The following LAMC1 variants were observed in gnomAD, a reference collection of about 807,000 sequenced individuals.
LAMC1 encodes laminin subunit gamma 1.
A neutral mutation model predicts 173.6 loss-of-function variants in LAMC1; 38 were observed. The ratio of observed to expected loss-of-function variants is 0.22; its 90% CI spans 0.17 to 0.29. The LOEUF (loss-of-function observed/expected upper bound fraction) is 0.29. LAMC1 is among the 10% of genes least tolerant of loss of function. The pLI, the probability that LAMC1 is intolerant of heterozygous loss-of-function variation, is 1.00. For synonymous variants in LAMC1, 746 were observed against 749.1 expected (o/e 1.00, Z 0.07); for missense variants, 1,824 against 2,051.8 (o/e 0.89, Z 2.14).
intron 1 of LAMC1, among the ~76,000 whole-genome samples, chr1:183,068,476 G>A (rs1654931735): frequency 6.6e-6 from 1 of 152,106 alleles, no homozygotes; most frequent in Non-Finnish European, 1.5e-5. Context: ...AGTTAAGAAA[G>A]TTAGCAGCAG....
chr1:183,044,052 T>G (rs1326591525), intron 1 of LAMC1, among the ~76,000 whole-genome samples: 1 of 152,152 alleles, frequency 6.6e-6, no homozygotes. Context: ...TCTAGGAATC[T>G]TTAGTCACTC....
At position 183,142,871 on chromosome 1, in the gene LAMC1, A is replaced by G; in HGVS notation, c.*81A>G. 3 of 1,421,022 alleles carry G rather than the reference A, an allele frequency of 2.1e-6. No homozygotes were observed. Among genetic ancestry groups the G allele is most frequent in the Non-Finnish European group, 1.9e-6 (2 of 1,045,202 alleles). The allele number at this position is 1,421,022 out of a possible 1,614,324, so 88.0% of individuals were successfully genotyped here. A position where few individuals can be genotyped will look rare whatever the true frequency, so the allele number is the denominator to read the frequency against. Reference sequence around the variant, plus strand: ...CAGAGTGCCTTGACACAAAGATTACATTTTTCAGACCCCCACTCCTCTGCT... The same window carrying G: ...CAGAGTGCCTTGACACAAAGATTACGTTTTTCAGACCCCCACTCCTCTGCT... On this transcript the variant is annotated 3_prime_UTR_variant, in exon 28 of 28. Transcript: ENST00000258341.
chr1:183,082,423 T>C (rs961809231), intron 1 of LAMC1, among the ~76,000 whole-genome samples: 2 of 152,188 alleles, frequency 1.3e-5, no homozygotes, highest in African/African-American at 4.8e-5. Flanking sequence ...CAATGTTAAA[T>C]GTATTTTTGA....
At position 183,125,570 on chromosome 1, in the gene LAMC1, G is replaced by T; in HGVS notation, c.2801+20G>T. 6.6e-7 allele frequency: 1 copy of T among 1,506,612 alleles called. No individual in the cohort carries two copies. 93.3% of individuals were successfully genotyped at this position (1,506,612 alleles called of 1,614,324 possible). A position where few individuals can be genotyped will look rare whatever the true frequency, so the allele number is the denominator to read the frequency against. ...TGAGAGGTGAGACATAGGTGCCTTT[G>T]GTGAAAGTAATCTTTGCTTTTTCTG... On this transcript the variant is annotated intron_variant, in intron 15 of 27. Transcript: ENST00000258341.
intron 1 of LAMC1, among the ~76,000 whole-genome samples, chr1:183,034,473 A>G (rs1246118433): frequency 6.6e-6 from 1 of 152,136 alleles, no homozygotes; most frequent in Non-Finnish European, 1.5e-5. Context: ...GGGTTTTACC[A>G]TGTTGATCAG....
At chr1:183,058,128 C>G (rs1358625304) in intron 1 of LAMC1, among the ~76,000 whole-genome samples, 1 of 152,154 alleles carries the variant, frequency 6.6e-6, no homozygotes, top group Non-Finnish European at 1.5e-5. Flanking sequence ...AAGTTCGTCT[C>G]TATTGGCTAC....
At chr1:183,064,339 T>C (rs537724762) in intron 1 of LAMC1, among the ~76,000 whole-genome samples, 1 of 152,336 alleles carries the variant, frequency 6.6e-6, no homozygotes, top group South Asian at 2.1e-4. Context: ...CGGGATGGCC[T>C]ATTGGTCCTA....
rs1654514356 is a variant in LAMC1, at chr1:183,054,067, G to A, written c.418+29933G>A. ...TCAACAAGCAGTACTGCCTATTGAG[G>A]TGGGTTGATTTGTTGTTCTGAATAG... On this transcript the variant is annotated intron_variant, in intron 1 of 27. Transcript: ENST00000258341. 2.0e-5 allele frequency among the ~76,000 whole-genome samples: 3 copies of A among 152,156 alleles called. No homozygotes were observed. In the South Asian group the frequency reaches 6.2e-4, roughly 32 times the overall value.
At chr1:183,106,498 A>T (rs1049873713) in intron 2 of LAMC1, among the ~76,000 whole-genome samples, 8 of 152,126 alleles carry the variant, frequency 5.3e-5, no homozygotes, top group African/African-American at 1.9e-4. Context: ...GTGTGGCTTA[A>T]GGCAGTGGTT....
At chr1:183,043,605 T>C (rs10911207) in intron 1 of LAMC1, among the ~76,000 whole-genome samples, 17,421 of 152,150 alleles carry the variant, frequency 0.11, 1,123 homozygotes, top group Admixed American at 0.2. Flanking sequence ...GATTATGAAA[T>C]TATGGTAACA....
intron 1 of LAMC1, among the ~76,000 whole-genome samples, chr1:183,077,776 GTATA>G (rs68083893): frequency 1.1e-4 from 13 of 116,522 alleles, no homozygotes; most frequent in African/African-American, 1.7e-4. Flanking sequence ...TGGCCATTGT[GTATA>G]TATATATATA....
At chr1:183,081,984 A>T (rs1438621078) in intron 1 of LAMC1, among the ~76,000 whole-genome samples, 2 of 152,174 alleles carry the variant, frequency 1.3e-5, no homozygotes, top group Non-Finnish European at 2.9e-5. Context: ...AGTTGGAGTA[A>T]TATATTATGT....
In LAMC1 at chr1:183,110,936, G is replaced by C. The variant is rs1656130757; in HGVS notation, c.1021+282G>C. 2.0e-5 allele frequency among the ~76,000 whole-genome samples: 3 copies of C among 152,314 alleles called. 1 individual carries two copies. The highest frequency in any genetic ancestry group is 4.4e-5 in the Non-Finnish European group (3 of 68,022). ...TTGTTTGGATCCAAATACTGGGCCA[G>C]TGTAGTCTACTCCGGAATATGGTTT... On this transcript the variant is annotated intron_variant, in intron 4 of 27. Transcript: ENST00000258341.
chr1:183,143,044 A>T lies in LAMC1; in HGVS notation c.*254A>T, dbSNP rs1657159327. The T allele has an allele frequency of 2.4e-6, 1 of 423,058 alleles. No individual in the cohort carries two copies. Among genetic ancestry groups the T allele is most frequent in the African/African-American group, 2.0e-5 (1 of 50,034 alleles). The allele number at this position is 423,058 out of a possible 1,614,324, so 26.2% of individuals were successfully genotyped here. ...TACCTTACCCACACTTTCCCTTCTG[A>T]TTTGCGTGAGGACGTGGCATCCTAC... On this transcript the variant is annotated 3_prime_UTR_variant, in exon 28 of 28. Coordinates refer to ENST00000258341, the MANE Select transcript of LAMC1 (RefSeq NM_002293.4).
Position 183,130,407 on chromosome 1 carries a change from G to A in LAMC1, c.3344G>A (p.Ser1115Asn). 6.2e-7 allele frequency: 1 copy of A among 1,614,208 alleles called. No individual in the cohort carries two copies. The highest frequency in any genetic ancestry group is 8.5e-7 in the Non-Finnish European group (1 of 1,180,030). Residue 1115 changes from serine to asparagine, a missense_variant, in exon 19 of 28, where the codon AGC (serine) becomes AAC (asparagine). Physicochemically the swap from Ser to Asn is conservative, Grantham distance 46. Transcript: ENST00000258341. Reference sequence around the variant, plus strand: ...AATAACACTCTGTCCAGCCAAATTAGCCGTTTACAGAATATCCGGAATACC... The same window carrying A: ...AATAACACTCTGTCCAGCCAAATTAACCGTTTACAGAATATCCGGAATACC... ...RVNNTLSSQI[S>N]RLQNIRNTIE...
intron 1 of LAMC1, among the ~76,000 whole-genome samples, chr1:183,067,806 A>T (rs571776763): frequency 6.6e-6 from 1 of 152,232 alleles, no homozygotes; most frequent in South Asian, 2.1e-4. Flanking sequence ...CAATATATTT[A>T]AAAATTTTTT....
At chr1:183,074,198 A>G (rs1655074867) in intron 1 of LAMC1, among the ~76,000 whole-genome samples, 1 of 152,220 alleles carries the variant, frequency 6.6e-6, no homozygotes, top group Admixed American at 6.5e-5. Flanking sequence ...GGTTAGTGCC[A>G]CCAAGTATTC....
Position 183,133,388 on chromosome 1 carries a change from A to G in LAMC1, c.3705-18A>G. On this transcript the variant is annotated intron_variant, in intron 21 of 27. Coordinates refer to ENST00000258341, the MANE Select transcript of LAMC1 (RefSeq NM_002293.4). ...AAGCAGCTAAGATTGTCATTAAACC[A>G]CATTATTTGTGTCTTAGGTATGAAC... 1.9e-6 allele frequency: 3 copies of G among 1,602,370 alleles called. No homozygotes were observed. The highest frequency in any genetic ancestry group is 2.6e-6 in the Non-Finnish European group (3 of 1,171,250).
At chr1:183,041,237 C>G (rs1654123711) in intron 1 of LAMC1, among the ~76,000 whole-genome samples, 1 of 152,158 alleles carries the variant, frequency 6.6e-6, no homozygotes, top group Non-Finnish European at 1.5e-5. Context: ...AGTACAAGTT[C>G]TGTGCATCTT....
Sources: allele counts gnomAD v4.1 joint callset (sites outside exome capture counted in the v4.1 genomes callset), GRCh38; gene constraint gnomAD v4.1.1; transcripts MANE v1.5; gene names NCBI Gene and HGNC (gene_info 2026-07-23, HGNC 2026-07-21).